Variants in STIM1 observed in about 807,000 individuals in gnomAD.
STIM1 encodes stromal interaction molecule 1.
In STIM1, 25 loss-of-function variants were observed where a neutral mutation model predicts 74.7. That is an observed-to-expected ratio of 0.33 (90% CI 0.24 to 0.47). The LOEUF (loss-of-function observed/expected upper bound fraction) is 0.47. Ranked by LOEUF, STIM1 falls within the 20% of genes least tolerant of loss-of-function variation. STIM1 has a pLI of 1.00. For synonymous variants in STIM1, 328 were observed against 348.8 expected, an observed-to-expected ratio of 0.94 and a Z score of 0.66; for missense variants, 728 against 920.8, an observed-to-expected ratio of 0.79 and a Z score of 2.71.
At chr11:3,972,749 G>A in intron 2 of STIM1, 1 of 453,416 alleles carries the variant, frequency 2.2e-6, no homozygotes, top group South Asian at 1.6e-5. Flanking sequence ...GTAACCTGTA[G>A]CTTCTTTGTC....
At chr11:3,899,255 G>C (rs1321122207) in intron 1 of STIM1, among the ~76,000 whole-genome samples, 1 of 152,062 alleles carries the variant, frequency 6.6e-6, no homozygotes, top group Non-Finnish European at 1.5e-5. Flanking sequence ...TGGATTCCTA[G>C]GTATTTTACT....
Position 3,993,634 on chromosome 11 carries a change from C to T in STIM1, c.270+25952C>T, listed in dbSNP as rs113371869. ...TTGTGCCACTGCACTCCAGCCTGGG[C>T]GACAGAGGGAGACTCTGTCTCAAAA... On this transcript the variant is annotated intron_variant, in intron 2 of 12. Coordinates refer to ENST00000526596, the MANE Select transcript of STIM1 (RefSeq NM_001382567.1). Among the ~76,000 whole-genome samples, 345 of 152,106 alleles carry T rather than the reference C, an allele frequency of 2.3e-3. 2 individuals are homozygous for T. The highest frequency in any genetic ancestry group is 9.8e-3 in the South Asian group (47 of 4,820).
At chr11:3,895,673 TC>T (rs1473512876) in intron 1 of STIM1, among the ~76,000 whole-genome samples, 4,168 of 46,822 alleles carry the variant, frequency 0.089, 327 homozygotes, top group Non-Finnish European at 0.097. Context: ...TTTCTTTCTT[TC>T]CTTCCTTCCT....
chr11:4,062,223 T>C (rs2094335795), intron 5 of STIM1, among the ~76,000 whole-genome samples: 1 of 152,126 alleles, frequency 6.6e-6, no homozygotes, highest in African/African-American at 2.4e-5. Flanking sequence ...AATAAAAAAG[T>C]TTTATACTTC....
Position 3,927,390 on chromosome 11 carries a change from G to A in STIM1, c.140-40162G>A, listed in dbSNP as rs117329665. Among the ~76,000 whole-genome samples, 392 of 152,318 alleles carry A rather than the reference G, an allele frequency of 2.6e-3. 1 individual carries two copies. Among genetic ancestry groups the A allele is most frequent in the Middle Eastern group, 0.01 (3 of 294 alleles). ...TCACGAAGGTTATATTGAACATAGG[G>A]TCTGAATTAGGGACATTCATTAGGT... On this transcript the variant is annotated intron_variant, in intron 1 of 12. Transcript: ENST00000526596.
chr11:3,912,538 G>A (rs1275118417), intron 1 of STIM1, among the ~76,000 whole-genome samples: 4 of 151,810 alleles, frequency 2.6e-5, no homozygotes. Context: ...CTAATTTTTT[G>A]TATTTTTAGT....
intron 1 of STIM1, among the ~76,000 whole-genome samples, chr11:3,869,143 G>A (rs2090979825): frequency 6.6e-6 from 1 of 152,010 alleles, no homozygotes; most frequent in South Asian, 2.1e-4. Flanking sequence ...TAATTTTTTT[G>A]TATTTTTAGT....
At chr11:3,908,738 T>C (rs1255726548) in intron 1 of STIM1, among the ~76,000 whole-genome samples, 1 of 152,206 alleles carries the variant, frequency 6.6e-6, no homozygotes, top group African/African-American at 2.4e-5. Flanking sequence ...CTTATAAATA[T>C]TGTTGCTTTG....
intron 1 of STIM1, among the ~76,000 whole-genome samples, chr11:3,964,358 G>T (rs957335018): frequency 6.6e-6 from 1 of 152,204 alleles, no homozygotes; most frequent in African/African-American, 2.4e-5. Flanking sequence ...GTGAGTTTTG[G>T]CTGACATGGT....
At chr11:3,905,422 A>G (rs2092449503) in intron 1 of STIM1, among the ~76,000 whole-genome samples, 1 of 150,692 alleles carries the variant, frequency 6.6e-6, no homozygotes, top group African/African-American at 2.4e-5. Context: ...GAGCTGGTAT[A>G]GGTTGTGGGG....
At chr11:4,021,707 A>G (rs1389556964) in intron 2 of STIM1, among the ~76,000 whole-genome samples, 2 of 151,432 alleles carry the variant, frequency 1.3e-5, no homozygotes, top group Non-Finnish European at 2.9e-5. Flanking sequence ...TTTTTTTTCT[A>G]TTTCTGTCAA....
chr11:3,946,127 G>C (rs1242382002), intron 1 of STIM1, among the ~76,000 whole-genome samples: 1 of 152,118 alleles, frequency 6.6e-6, no homozygotes, highest in African/African-American at 2.4e-5. Context: ...ATATCAATGG[G>C]GTTGGAACAG....
intron 1 of STIM1, among the ~76,000 whole-genome samples, chr11:3,928,821 T>C (rs562231314): frequency 1.8e-4 from 27 of 152,278 alleles, no homozygotes; most frequent in African/African-American, 6.0e-4. Context: ...TATTTAAACC[T>C]TCTATCTGCC....
chr11:4,046,955 A>G (rs2094198229), intron 3 of STIM1, among the ~76,000 whole-genome samples: 1 of 152,116 alleles, frequency 6.6e-6, no homozygotes, highest in African/African-American at 2.4e-5. Context: ...GTCTGGCCAA[A>G]TGCCTGTTTT....
chr11:3,972,772 C>T (rs758661537), intron 2 of STIM1: 2 of 452,898 alleles, frequency 4.4e-6, no homozygotes, highest in Non-Finnish European at 8.8e-6. Flanking sequence ...TTCTCTGGCT[C>T]TCTTCTGCTA....
intron 3 of STIM1, among the ~76,000 whole-genome samples, chr11:4,031,698 T>C (rs1194913077): frequency 1.3e-5 from 2 of 152,226 alleles, no homozygotes; most frequent in East Asian, 3.8e-4. Flanking sequence ...ATCTGTTAAA[T>C]CTTTTGTCTG....
chr11:4,008,317 A>C (rs1464534689), intron 2 of STIM1, among the ~76,000 whole-genome samples: 1 of 152,124 alleles, frequency 6.6e-6, no homozygotes, highest in Non-Finnish European at 1.5e-5. Flanking sequence ...TATGATGTTG[A>C]CACATGATGC....
At chr11:3,929,721 C>T (rs533652152) in intron 1 of STIM1, among the ~76,000 whole-genome samples, 9 of 152,212 alleles carry the variant, frequency 5.9e-5, no homozygotes, top group East Asian at 1.9e-4. Flanking sequence ...AACACCTTAC[C>T]GCTGATCGCT....
intron 1 of STIM1, among the ~76,000 whole-genome samples, chr11:3,960,055 G>GC (rs1285200051): frequency 3.3e-5 from 5 of 152,198 alleles, no homozygotes; most frequent in Non-Finnish European, 7.3e-5. Flanking sequence ...TATTCTGTGT[G>GC]ATGAAATATA....
Sources: allele counts gnomAD v4.1 joint callset (sites outside exome capture counted in the v4.1 genomes callset), GRCh38; gene constraint gnomAD v4.1.1; transcripts MANE v1.5; gene names NCBI Gene and HGNC (gene_info 2026-07-23, HGNC 2026-07-21).